The following MYO1E variants were observed in gnomAD, a reference collection of about 807,000 sequenced individuals.
MYO1E encodes the protein myosin IE, also known as unconventional myosin-Ie.
A neutral mutation model predicts 151.1 loss-of-function variants in MYO1E; 68 were observed. That is an observed-to-expected ratio of 0.45 (90% CI 0.37 to 0.55). The LOEUF (loss-of-function observed/expected upper bound fraction) is 0.55. Ranked by LOEUF, MYO1E falls within the 20% of genes least tolerant of loss-of-function variation. The pLI, the probability that MYO1E is intolerant of heterozygous loss-of-function variation, is 0.00. For synonymous variants in MYO1E, 601 were observed against 501.7 expected (o/e 1.20, Z -2.64); for missense variants, 1,363 against 1,389.3 (o/e 0.98, Z 0.30).
chr15:59,358,886 T>C (rs1301766440), intron 1 of MYO1E, among the ~76,000 whole-genome samples: 1 of 152,202 alleles, frequency 6.6e-6, no homozygotes, highest in African/African-American at 2.4e-5. Flanking sequence ...ACTTGTATTC[T>C]AGGGACAACT....
chr15:59,200,516 C>T (rs754644842), intron 16 of MYO1E, among the ~76,000 whole-genome samples: 18 of 152,040 alleles, frequency 1.2e-4, no homozygotes, highest in Non-Finnish European at 2.1e-4. Context: ...AGGCTGGACT[C>T]GGTGGCTTGT....
At chr15:59,250,128 C>T (rs955125237) in intron 4 of MYO1E, among the ~76,000 whole-genome samples, 2 of 152,104 alleles carry the variant, frequency 1.3e-5, no homozygotes, top group East Asian at 3.8e-4. Context: ...CTTTTGCCCT[C>T]GGTGACTGGG....
At chr15:59,188,254 A>G (rs1042573210) in intron 17 of MYO1E, 38 bp from the exon 18 acceptor site, 2 of 1,530,352 alleles carry the variant, frequency 1.3e-6, no homozygotes, top group South Asian at 2.2e-5. Flanking sequence ...ACATTACTGG[A>G]TAATCCTTTC....
intron 22 of MYO1E, among the ~76,000 whole-genome samples, chr15:59,167,284 G>A (rs556612380): frequency 5.3e-4 from 80 of 152,300 alleles, no homozygotes; most frequent in African/African-American, 1.9e-3. Flanking sequence ...AACCCAGACA[G>A]ACAGCCACAC....
intron 1 of MYO1E, among the ~76,000 whole-genome samples, chr15:59,275,384 TCTCTCC>T (rs531231442): frequency 3.3e-5 from 5 of 152,116 alleles, no homozygotes; most frequent in African/African-American, 7.2e-5. Flanking sequence ...TCTGTATCTC[TCTCTCC>T]CTCTCCCTCT....
intron 1 of MYO1E, among the ~76,000 whole-genome samples, chr15:59,309,231 A>G (rs1489227347): frequency 6.6e-6 from 1 of 152,206 alleles, no homozygotes; most frequent in Non-Finnish European, 1.5e-5. Flanking sequence ...CCTTACATAC[A>G]TTAACTGATG....
intron 1 of MYO1E, among the ~76,000 whole-genome samples, chr15:59,371,589 G>A (rs1337410254): frequency 6.6e-6 from 1 of 152,118 alleles, no homozygotes; most frequent in Non-Finnish European, 1.5e-5. Context: ...AGTTGGAATA[G>A]CAGAAAAGTC....
At chr15:59,240,863 T>A (rs1282959455) in intron 4 of MYO1E, among the ~76,000 whole-genome samples, 1 of 152,228 alleles carries the variant, frequency 6.6e-6, no homozygotes, top group African/African-American at 2.4e-5. Context: ...CAACACACAC[T>A]GTCTAACAAC....
At chr15:59,303,107 T>C (rs1427428910) in intron 1 of MYO1E, among the ~76,000 whole-genome samples, 3 of 152,094 alleles carry the variant, frequency 2.0e-5, no homozygotes, top group Non-Finnish European at 4.4e-5. Context: ...GGCAGGTGAG[T>C]TCCATGCTGC....
At chr15:59,213,528 T>C (rs1329539757) in intron 12 of MYO1E, among the ~76,000 whole-genome samples, 8 of 151,434 alleles carry the variant, frequency 5.3e-5, no homozygotes, top group African/African-American at 1.9e-4. Flanking sequence ...TGCAGTGGTG[T>C]GATGATATAA....
At chr15:59,207,484 C>A in intron 14 of MYO1E, 3 of 1,614,010 alleles carry the variant, frequency 1.9e-6, no homozygotes, top group Non-Finnish European at 2.5e-6. Context: ...CCACTGCAAA[C>A]TGATTATTGT....
Position 59,372,545 on chromosome 15 carries a change from GGGAACT to G in MYO1E, c.-51_-46del. 6.5e-7 allele frequency: 1 copy of G among 1,535,062 alleles called. No homozygotes were observed. The highest frequency in any genetic ancestry group is 8.8e-7 in the Non-Finnish European group (1 of 1,140,684). On this transcript the variant is annotated 5_prime_UTR_variant, in exon 1 of 28. Transcript: ENST00000288235. ...GCGTCTTCGCCGGGTCCCGCTGCCGGGGAACTGGGGCTGGAACGCAGTCTTCTGGGC... is the reference window on the plus strand; with the variant it reads ...GCGTCTTCGCCGGGTCCCGCTGCCGGGGGGCTGGAACGCAGTCTTCTGGGC...
At chr15:59,243,846 T>G (rs1403278660) in intron 4 of MYO1E, among the ~76,000 whole-genome samples, 1 of 151,732 alleles carries the variant, frequency 6.6e-6, no homozygotes, top group Non-Finnish European at 1.5e-5. Context: ...AGAAACCACA[T>G]CAAAGAAGGT....
chr15:59,236,721 G>A, intron 4 of MYO1E, 49 bp from the exon 5 acceptor site: 2 of 1,458,954 alleles, frequency 1.4e-6, no homozygotes, highest in Non-Finnish European at 1.9e-6. Flanking sequence ...ATTGCGACCA[G>A]CTCCCTTCCT....
intron 1 of MYO1E, among the ~76,000 whole-genome samples, chr15:59,293,803 G>A (rs1386726671): frequency 6.6e-6 from 1 of 152,092 alleles, no homozygotes; most frequent in Non-Finnish European, 1.5e-5. Flanking sequence ...AGCACTTTGA[G>A]AGGTTGAAGT....
intron 26 of MYO1E, among the ~76,000 whole-genome samples, chr15:59,142,562 G>A (rs540001582): frequency 9.2e-5 from 14 of 152,220 alleles, no homozygotes; most frequent in Middle Eastern, 3.4e-3. Context: ...TGGCCCTCAT[G>A]CTAGCTCAGC....
chr15:59,347,599 G>A (rs1457014846), intron 1 of MYO1E, among the ~76,000 whole-genome samples: 29 of 152,140 alleles, frequency 1.9e-4, no homozygotes. Flanking sequence ...CGAAACTAGA[G>A]TAATTATAGA....
At chr15:59,225,656 T>C (rs2140351221) in intron 7 of MYO1E, among the ~76,000 whole-genome samples, 1 of 150,764 alleles carries the variant, frequency 6.6e-6, no homozygotes, top group Admixed American at 6.6e-5. Flanking sequence ...TTTTCTTTTT[T>C]TTTTTTTTGA....
At chr15:59,205,137 GTGTTT>G (rs1283570907) in intron 15 of MYO1E, among the ~76,000 whole-genome samples, 1 of 152,178 alleles carries the variant, frequency 6.6e-6, no homozygotes, top group African/African-American at 2.4e-5. Context: ...AACATCACAG[GTGTTT>G]TGTTTTGTTT....
Sources: gnomAD v4.1 joint callset for allele counts (sites outside exome capture counted in the v4.1 genomes callset) on GRCh38, gnomAD v4.1.1 for gene constraint, MANE v1.5 for transcripts, NCBI Gene and HGNC (gene_info 2026-07-23, HGNC 2026-07-21) for gene names.